Variants in ACTN2 observed in about 807,000 individuals in gnomAD.
ACTN2 encodes the protein alpha-actinin-2.
ACTN2 carries 39 observed loss-of-function variants against 113.8 expected under a neutral mutation model. That is an observed-to-expected ratio of 0.34 (90% CI 0.27 to 0.45). The LOEUF (loss-of-function observed/expected upper bound fraction) is 0.45. Among genes scored for constraint, ACTN2 ranks in the 20% least tolerant of loss-of-function variants. ACTN2 has a pLI of 1.00. For missense variants in ACTN2, 992 were observed against 1,177.9 expected, an observed-to-expected ratio of 0.84 and a Z score of 2.31; for synonymous variants, 429 against 444.1, an observed-to-expected ratio of 0.97 and a Z score of 0.43.
chr1:236,696,025 G>A (rs1231936283), intron 1 of ACTN2, among the ~76,000 whole-genome samples: 1 of 152,064 alleles, frequency 6.6e-6, no homozygotes, highest in Non-Finnish European at 1.5e-5. Context: ...ATTGTTTTGG[G>A]GCCAGGCGCA....
At chr1:236,694,958 T>A (rs533918296) in intron 1 of ACTN2, among the ~76,000 whole-genome samples, 1 of 152,032 alleles carries the variant, frequency 6.6e-6, no homozygotes, top group East Asian at 1.9e-4. Flanking sequence ...TTTAGCTACT[T>A]GGGAGGCTGA....
At chr1:236,724,700 C>A (rs1410229661) in intron 4 of ACTN2, among the ~76,000 whole-genome samples, 1 of 152,222 alleles carries the variant, frequency 6.6e-6, no homozygotes, top group South Asian at 2.1e-4. Flanking sequence ...AATGTGGCCT[C>A]AGTGGGAATG....
intron 6 of ACTN2, among the ~76,000 whole-genome samples, chr1:236,730,232 C>T (rs1482232721): frequency 2.0e-5 from 3 of 151,612 alleles, no homozygotes; most frequent in East Asian, 1.9e-4. Flanking sequence ...CACAAAGTCT[C>T]AGGTGATAAG....
chr1:236,735,399 A>G (rs1015694221), intron 7 of ACTN2, among the ~76,000 whole-genome samples: 2 of 152,230 alleles, frequency 1.3e-5, no homozygotes, highest in African/African-American at 4.8e-5. Context: ...GGGGGAGAAA[A>G]CAAGCCCTCA....
In ACTN2 at chr1:236,697,354, G is replaced by A. The variant is rs113907778; in HGVS notation, c.126+10555G>A. Among the ~76,000 whole-genome samples, 304 of 152,190 alleles carry A rather than the reference G, an allele frequency of 2.0e-3. 1 individual carries two copies. The highest frequency in any genetic ancestry group is 6.0e-3 in the African/African-American group (248 of 41,514). ...AAAAATATGGGGAATTTGGATTGAG[G>A]GCTTGATATCCAATGGATAAAAGAG... On this transcript the variant is annotated intron_variant, in intron 1 of 20. Transcript: ENST00000366578.
intron 8 of ACTN2, chr1:236,736,587 T>C: frequency 6.7e-7 from 1 of 1,483,152 alleles, no homozygotes; most frequent in Non-Finnish European, 9.0e-7. Flanking sequence ...CACACTCAGC[T>C]CTGTGGAAGG....
At position 236,709,271 on chromosome 1, in the gene ACTN2, CATATATATGT is replaced by C. The variant is rs1232134068; in HGVS notation, c.127-8570_127-8561del. Among the ~76,000 whole-genome samples, 98 of 119,034 alleles carry C rather than the reference CATATATATGT, an allele frequency of 8.2e-4. 1 individual carries two copies. The East Asian group carries it at 0.014, about 17-fold the overall frequency. The allele number at this position is 119,034 out of a possible 152,430, so 78.1% of individuals were successfully genotyped here. The stretch of plus-strand genomic sequence containing the variant: ...ATATATATATACACACACACACACA[CATATATATGT>C]ATATATATGTATATATGTATATATA... On this transcript the variant is annotated intron_variant, in intron 1 of 20. Coordinates refer to ENST00000366578, the MANE Select transcript of ACTN2 (RefSeq NM_001103.4).
At chr1:236,727,579 G>A in intron 5 of ACTN2, 99 bp from the exon 6 acceptor site, 3 of 1,291,000 alleles carry the variant, frequency 2.3e-6, no homozygotes, top group East Asian at 2.3e-5. Context: ...CGTGCATGAA[G>A]TCAGACAGAA....
rs1355201860 is a variant in ACTN2 at position 236,717,871 on chromosome 1, G to A, written c.140G>A (p.Trp47Ter). ...EKQQRKTFTA[W>*]CNSHLRKAGT... Reference sequence around the variant, plus strand: ...TTTTCTTTGCAGACCTTCACTGCCTGGTGTAACTCCCACCTAAGGAAAGCC... The same window carrying A: ...TTTTCTTTGCAGACCTTCACTGCCTAGTGTAACTCCCACCTAAGGAAAGCC... Residue 47 changes from tryptophan (W) to a stop codon, truncating the protein, a stop_gained, in exon 2 of 21, where the codon TGG (tryptophan) becomes TAG (stop). Coordinates refer to ENST00000366578, the MANE Select transcript of ACTN2 (RefSeq NM_001103.4). LOFTEE classifies it high-confidence loss of function. The A allele has an allele frequency of 6.2e-7, 1 of 1,613,664 alleles. No homozygotes were observed. The highest frequency in any genetic ancestry group is 8.5e-7 in the Non-Finnish European group (1 of 1,179,750).
intron 5 of ACTN2, 67 bp from the exon 6 acceptor site, chr1:236,727,611 G>C: frequency 6.6e-7 from 1 of 1,520,446 alleles, no homozygotes; most frequent in Non-Finnish European, 9.1e-7. Context: ...ATCTGACTGA[G>C]TGCAGATGCT....
chr1:236,748,271 AG>A (rs1018002112), intron 13 of ACTN2: 6 of 163,330 alleles, frequency 3.7e-5, no homozygotes, highest in Non-Finnish European at 8.0e-5. Flanking sequence ...TAACCATGGA[AG>A]ACATCTCCCA....
chr1:236,693,588 C>G (rs567332291), intron 1 of ACTN2, among the ~76,000 whole-genome samples: 49 of 152,292 alleles, frequency 3.2e-4, no homozygotes, highest in East Asian at 1.7e-3. Context: ...CCCTTGCCCC[C>G]TCCTCCTCTC....
chr1:236,757,679 A>C (rs748688472), intron 18 of ACTN2, 47 bp downstream of exon 18: 1 of 1,608,628 alleles, frequency 6.2e-7, no homozygotes, highest in Admixed American at 1.7e-5. Flanking sequence ...GACATTAAAC[A>C]ATGTATCTGA....
chr1:236,711,821 A>G (rs1289260237), intron 1 of ACTN2, among the ~76,000 whole-genome samples: 4 of 152,166 alleles, frequency 2.6e-5, no homozygotes, highest in Admixed American at 2.6e-4. Context: ...GTTATTCAGG[A>G]GAGAGGTAGA....
Position 236,757,593 on chromosome 1 carries a change from G to A in ACTN2, c.2262G>A (p.Gln754=). ...ATGCGAAGGGCATCACCCAGGAGCA[G>A]ATGAATGAGTTCAGAGCCTCCTTCA... The part of the protein sequence containing the change: ...TRDAKGITQE[Q]MNEFRASFNH... Residue 754 remains glutamine (Q), a synonymous_variant, in exon 18 of 21, where the codon CAG becomes CAA. Transcript: ENST00000366578. 6.2e-7 allele frequency: 1 copy of A among 1,614,212 alleles called. No individual in the cohort carries two copies. Among genetic ancestry groups the A allele is most frequent in the Non-Finnish European group, 8.5e-7 (1 of 1,180,044 alleles).
intron 10 of ACTN2, among the ~76,000 whole-genome samples, chr1:236,740,556 A>G (rs2891794): frequency 6.6e-6 from 1 of 150,808 alleles, no homozygotes; most frequent in Non-Finnish European, 1.5e-5. Context: ...TTTTTGAGAC[A>G]GAGTCTCACT....
chr1:236,748,397 C>T (rs1229654955), intron 13 of ACTN2, among the ~76,000 whole-genome samples: 1 of 152,068 alleles, frequency 6.6e-6, no homozygotes, highest in African/African-American at 2.4e-5. Flanking sequence ...TGTGACATAT[C>T]TGCTTAAAGA....
intron 1 of ACTN2, among the ~76,000 whole-genome samples, chr1:236,704,831 A>T (rs1441538712): frequency 6.6e-6 from 1 of 152,164 alleles, no homozygotes; most frequent in Non-Finnish European, 1.5e-5. Flanking sequence ...AGCTTGGAGA[A>T]CCGTGGGGAA....
Position 236,745,306 on chromosome 1 carries a change from T to C in ACTN2, c.1406+530T>C, listed in dbSNP as rs369295003. Among the ~76,000 whole-genome samples the C allele has an allele frequency of 4.4e-3, 674 of 151,854 alleles. 7 individuals are homozygous for C. The highest frequency in any genetic ancestry group is 0.014 in the African/African-American group (597 of 41,390). On this transcript the variant is annotated intron_variant, in intron 12 of 20. Transcript: ENST00000366578. ...AAAATTAGCCGGGCCTGGTGGCGGG[T>C]GCCTGTAGTCCCAGCTGCTCGGGAG...
Sources: gnomAD v4.1 joint callset for allele counts (sites outside exome capture counted in the v4.1 genomes callset) on GRCh38, gnomAD v4.1.1 for gene constraint, MANE v1.5 for transcripts, NCBI Gene and HGNC (gene_info 2026-07-23, HGNC 2026-07-21) for gene names.